The following FAM13C variants were observed in gnomAD, a reference collection of about 807,000 sequenced individuals.
FAM13C encodes the protein protein FAM13C.
In FAM13C, 37 loss-of-function variants were observed where a neutral mutation model predicts 73.2. That is an observed-to-expected ratio of 0.51 (90% CI 0.39 to 0.67). The LOEUF (loss-of-function observed/expected upper bound fraction) is 0.67, where lower values mean the gene tolerates loss of function less well. Ranked by LOEUF, FAM13C falls within the 30% of genes least tolerant of loss-of-function variation. The pLI is 0.00. For missense variants in FAM13C, 589 were observed against 715.6 expected (o/e 0.82, Z 2.02); for synonymous variants, 246 against 260.9 (o/e 0.94, Z 0.55).
At chr10:59,287,256 G>A (rs1443099134) in intron 5 of FAM13C, among the ~76,000 whole-genome samples, 1 of 134,550 alleles carries the variant, frequency 7.4e-6, no homozygotes, top group Non-Finnish European at 1.5e-5. Context: ...ACAATTGCTT[G>A]TACCCAGGAG....
intron 9 of FAM13C, among the ~76,000 whole-genome samples, chr10:59,262,871 G>A (rs1842654424): frequency 1.3e-5 from 2 of 152,152 alleles, no homozygotes; most frequent in African/African-American, 4.8e-5. Context: ...GAGGTGGAGG[G>A]TATGTGTGGG....
At chr10:59,335,401 T>C (rs954972551) in intron 3 of FAM13C, among the ~76,000 whole-genome samples, 1 of 152,172 alleles carries the variant, frequency 6.6e-6, no homozygotes, top group Non-Finnish European at 1.5e-5. Context: ...TTTAATTTGA[T>C]ACATAGCAAT....
intron 5 of FAM13C, among the ~76,000 whole-genome samples, chr10:59,286,531 A>ATATATATATATATATATATATATATG (rs1427186974): frequency 7.0e-6 from 1 of 141,898 alleles, no homozygotes; most frequent in Non-Finnish European, 1.5e-5. Context: ...ATATATATAT[A>ATATATATATATATATATATATATATG]TATATATATA....
At chr10:59,361,234 A>T in intron 1 of FAM13C, 1 of 506,676 alleles carries the variant, frequency 2.0e-6, no homozygotes. Context: ...AAGTGACTCC[A>T]CTTAAGTCTG....
At position 59,246,740 on chromosome 10, in the gene FAM13C, T is replaced by C. The variant is rs566992705; in HGVS notation, c.*874A>G. On this transcript the variant is annotated 3_prime_UTR_variant, in exon 14 of 14. Coordinates refer to ENST00000618804, the MANE Select transcript of FAM13C (RefSeq NM_198215.4). ...GGAAATGTTTTGACTTTACAAAGTA[T>C]AGATGTTGGAACATTAAGAAAAATG... The C allele has an allele frequency of 6.5e-5, 26 of 396,988 alleles. No homozygotes were observed. Among genetic ancestry groups the C allele is most frequent in the African/African-American group, 5.3e-4 (26 of 48,726 alleles). The allele number at this position is 396,988 out of a possible 1,614,324, so 24.6% of individuals were successfully genotyped here. A position where few individuals can be genotyped will look rare whatever the true frequency, so the allele number is the denominator to read the frequency against.
chr10:59,262,367 T>C (rs1210438847), intron 10 of FAM13C, 67 bp downstream of exon 10: 8 of 1,389,122 alleles, frequency 5.8e-6, no homozygotes, highest in Non-Finnish European at 8.0e-6. Flanking sequence ...CTCTGACAAA[T>C]TGGATGATCT....
intron 1 of FAM13C, chr10:59,360,914 T>C: frequency 1.6e-6 from 1 of 621,378 alleles, no homozygotes. Flanking sequence ...TGTCTCCATT[T>C]TGAACCTGCC....
chr10:59,300,453 TAAATA>T (rs1847466158), intron 5 of FAM13C, among the ~76,000 whole-genome samples: 1 of 152,008 alleles, frequency 6.6e-6, no homozygotes, highest in East Asian at 1.9e-4. Context: ...AGGTGGTGAA[TAAATA>T]AAATAAAGGA....
At chr10:59,267,286 A>G (rs1252860307) in intron 8 of FAM13C, among the ~76,000 whole-genome samples, 1 of 152,226 alleles carries the variant, frequency 6.6e-6, no homozygotes, top group Admixed American at 6.5e-5. Context: ...AAAAGCAGAC[A>G]CTTAAAAATT....
rs1282749895 is a variant in FAM13C at position 59,262,473 on chromosome 10, C to G, written c.1197G>C (p.Lys399Asn). Residue 399 changes from lysine to asparagine, a missense_variant, in exon 10 of 14, where the codon AAG becomes AAC. Coordinates refer to ENST00000618804, the MANE Select transcript of FAM13C (RefSeq NM_198215.4). Reference protein sequence around the residue: ...ETPDAALTCLKERREQLPPQE... With the variant: ...ETPDAALTCLNERREQLPPQE... ...GGGGAGGAAGTTGCTCTCTTCTCTC[C>G]TTCAGGCATGTCAAGGCAGCATCTG... 6.2e-7 allele frequency: 1 copy of G among 1,613,716 alleles called. No homozygotes were observed. The highest frequency in any genetic ancestry group is 1.1e-5 in the South Asian group (1 of 91,070).
intron 6 of FAM13C, among the ~76,000 whole-genome samples, chr10:59,275,255 T>C (rs1004746668): frequency 1.3e-5 from 2 of 152,164 alleles, no homozygotes; most frequent in African/African-American, 4.8e-5. Context: ...TCAAGAATGA[T>C]TCATCTCAAG....
intron 1 of FAM13C, among the ~76,000 whole-genome samples, chr10:59,361,872 C>A (rs1480030034): frequency 6.6e-6 from 1 of 152,128 alleles, no homozygotes; most frequent in Non-Finnish European, 1.5e-5. Flanking sequence ...GTCCCATAGT[C>A]ACATCTCTGT....
At chr10:59,259,049 T>C (rs543203796) in intron 10 of FAM13C, among the ~76,000 whole-genome samples, 1 of 152,240 alleles carries the variant, frequency 6.6e-6, no homozygotes, top group South Asian at 2.1e-4. Context: ...GAAAAGGACA[T>C]AAAAGACATA....
intron 6 of FAM13C, among the ~76,000 whole-genome samples, chr10:59,276,192 G>T (rs1250408864): frequency 2.6e-5 from 4 of 152,136 alleles, no homozygotes; most frequent in Admixed American, 2.6e-4. Flanking sequence ...TTTTGCTTAG[G>T]AGAATAAGTG....
At chr10:59,301,828 C>T (rs957735869) in intron 5 of FAM13C, among the ~76,000 whole-genome samples, 10 of 152,194 alleles carry the variant, frequency 6.6e-5, no homozygotes, top group African/African-American at 2.4e-4. Flanking sequence ...CTTTAGGACA[C>T]TTTTTACCAC....
chr10:59,259,780 T>C (rs1188878305), intron 10 of FAM13C, among the ~76,000 whole-genome samples: 1 of 152,076 alleles, frequency 6.6e-6, no homozygotes, highest in Non-Finnish European at 1.5e-5. Context: ...CATGAGGAGA[T>C]TTTTCTCTGA....
chr10:59,297,764 T>C (rs1249214108), intron 5 of FAM13C, among the ~76,000 whole-genome samples: 6 of 152,182 alleles, frequency 3.9e-5, no homozygotes, highest in Admixed American at 3.9e-4. Flanking sequence ...ACTGAACTTA[T>C]TCTGTCCTCC....
chr10:59,359,412 G>C (rs1463581388), intron 1 of FAM13C, among the ~76,000 whole-genome samples: 4 of 152,238 alleles, frequency 2.6e-5, no homozygotes, highest in African/African-American at 7.2e-5. Flanking sequence ...GCCTAAAACA[G>C]AAGAGAGGCC....
At chr10:59,262,025 T>C (rs1842551355) in intron 10 of FAM13C, among the ~76,000 whole-genome samples, 1 of 152,156 alleles carries the variant, frequency 6.6e-6, no homozygotes, top group Non-Finnish European at 1.5e-5. Flanking sequence ...CAAATTTCCT[T>C]ACTGTTTATA....
Sources: gnomAD v4.1 joint callset for allele counts (sites outside exome capture counted in the v4.1 genomes callset) on GRCh38, gnomAD v4.1.1 for gene constraint, MANE v1.5 for transcripts, NCBI Gene and HGNC (gene_info 2026-07-23, HGNC 2026-07-21) for gene names.